The following AUTS2 variants were observed in gnomAD, a reference collection of about 807,000 sequenced individuals.
AUTS2 encodes the protein autism susceptibility gene 2 protein.
AUTS2 carries 17 observed loss-of-function variants against 112.4 expected under a neutral mutation model. The ratio of observed to expected loss-of-function variants is 0.15; its 90% CI spans 0.10 to 0.23. The LOEUF (loss-of-function observed/expected upper bound fraction) is 0.23, where lower values mean the gene tolerates loss of function less well. Among genes scored for constraint, AUTS2 ranks in the 10% least tolerant of loss-of-function variants. The pLI is 1.00. For missense variants in AUTS2, 1,510 were observed against 1,701.6 expected (o/e 0.89, Z 1.98); for synonymous variants, 751 against 702.7 (o/e 1.07, Z -1.09).
intron 4 of AUTS2, among the ~76,000 whole-genome samples, chr7:70,424,846 C>G (rs1198037587): frequency 6.6e-6 from 1 of 152,182 alleles, no homozygotes; most frequent in Non-Finnish European, 1.5e-5. Flanking sequence ...CTCAGTCTTC[C>G]AAAGTTCTGG....
In AUTS2 at chr7:69,683,922, A is replaced by G. The variant is rs369237894; in HGVS notation, c.309+83960A>G. On this transcript the variant is annotated intron_variant, in intron 1 of 18. Coordinates refer to ENST00000342771, the MANE Select transcript of AUTS2 (RefSeq NM_015570.4). ...TTAATGAGACTCCGTGTCAAAAAACAAAAAACAAAACAAATGTTCTCAAGT... is the reference window on the plus strand; with the variant it reads ...TTAATGAGACTCCGTGTCAAAAAACGAAAAACAAAACAAATGTTCTCAAGT... Among the ~76,000 whole-genome samples, 289 of 152,270 alleles carry G rather than the reference A, an allele frequency of 1.9e-3. 1 individual carries two copies. The highest frequency in any genetic ancestry group is 6.6e-3 in the African/African-American group (276 of 41,548).
intron 1 of AUTS2, among the ~76,000 whole-genome samples, chr7:69,613,850 C>G (rs1793173818): frequency 6.6e-6 from 1 of 152,100 alleles, no homozygotes; most frequent in South Asian, 2.1e-4. Context: ...CTAAATAGCT[C>G]TTTTTGCTTT....
chr7:69,668,363 T>C (rs893376061), intron 1 of AUTS2, among the ~76,000 whole-genome samples: 4 of 152,216 alleles, frequency 2.6e-5, no homozygotes, highest in South Asian at 2.1e-4. Context: ...AAATATTTTC[T>C]GAGAATGCCA....
chr7:69,914,368 C>CAG (rs201953863), intron 2 of AUTS2, among the ~76,000 whole-genome samples: 54 of 150,344 alleles, frequency 3.6e-4, no homozygotes, highest in African/African-American at 1.0e-3. Context: ...CACACACACA[C>CAG]ACACACACAC....
chr7:70,306,719 C>G (rs1462878027), intron 4 of AUTS2, among the ~76,000 whole-genome samples: 1 of 152,152 alleles, frequency 6.6e-6, no homozygotes, highest in Non-Finnish European at 1.5e-5. Context: ...TTTTGTTCAT[C>G]AATATAAACT....
intron 1 of AUTS2, among the ~76,000 whole-genome samples, chr7:69,866,730 T>C (rs1018563926): frequency 6.6e-6 from 1 of 152,174 alleles, no homozygotes; most frequent in Non-Finnish European, 1.5e-5. Flanking sequence ...GTTAGAAAGG[T>C]AAGAGCCTAG....
At chr7:70,681,522 TATA>T (rs545116816) in intron 5 of AUTS2, among the ~76,000 whole-genome samples, 8,277 of 139,986 alleles carry the variant, frequency 0.059, 331 homozygotes, top group East Asian at 0.25. Flanking sequence ...TATATATATA[TATA>T]TTTTTTTTTT....
chr7:69,890,608 G>C (rs1451818048), intron 1 of AUTS2, among the ~76,000 whole-genome samples: 1 of 151,366 alleles, frequency 6.6e-6, no homozygotes, highest in Non-Finnish European at 1.5e-5. Flanking sequence ...TAGCCAAACA[G>C]TAATCAGGCT....
intron 5 of AUTS2, among the ~76,000 whole-genome samples, chr7:70,637,244 T>C (rs1441100336): frequency 6.6e-6 from 1 of 152,190 alleles, no homozygotes; most frequent in Non-Finnish European, 1.5e-5. Context: ...TGTGACACTT[T>C]CAAAAATACT....
At chr7:70,520,071 C>A (rs901790248) in intron 5 of AUTS2, among the ~76,000 whole-genome samples, 4 of 152,006 alleles carry the variant, frequency 2.6e-5, no homozygotes, top group African/African-American at 9.7e-5. Flanking sequence ...TTTTCATTTT[C>A]TTAATGGTGC....
intron 2 of AUTS2, among the ~76,000 whole-genome samples, chr7:70,033,022 G>C (rs1009542612): frequency 2.6e-5 from 4 of 152,142 alleles, no homozygotes; most frequent in South Asian, 4.1e-4. Context: ...ATTAGTAGTT[G>C]TCTAGGGGTG....
intron 1 of AUTS2, among the ~76,000 whole-genome samples, chr7:69,689,412 G>A (rs1265926621): frequency 3.7e-5 from 5 of 136,834 alleles, no homozygotes; most frequent in Admixed American, 7.6e-5. Flanking sequence ...GTGCAGTGGC[G>A]CGATCTTGGC....
intron 10 of AUTS2, among the ~76,000 whole-genome samples, chr7:70,768,495 C>T (rs1196386658): frequency 6.6e-6 from 1 of 152,190 alleles, no homozygotes. Flanking sequence ...CATGACTCTT[C>T]AACAAGTAGA....
intron 4 of AUTS2, among the ~76,000 whole-genome samples, chr7:70,408,747 A>T (rs1373238750): frequency 6.6e-6 from 1 of 152,204 alleles, no homozygotes; most frequent in Admixed American, 6.5e-5. Context: ...AGTAGTTAGG[A>T]GCTGTGTACT....
intron 2 of AUTS2, among the ~76,000 whole-genome samples, chr7:70,082,335 C>A (rs1672931354): frequency 1.3e-5 from 2 of 152,122 alleles, no homozygotes; most frequent in African/African-American, 4.8e-5. Context: ...TCGAAATCAT[C>A]CTAAGTTTGG....
rs575549395 is a variant in AUTS2, at chr7:69,903,373, TA to T, written c.522+3881del. ...TGACTTCTAGACCATGGAGAATTCT[TA>T]AAAAATTTAGGACTTTGTAGTTTAA... On this transcript the variant is annotated intron_variant, in intron 2 of 18. Transcript: ENST00000342771. Among the ~76,000 whole-genome samples, 324 of 152,316 alleles carry T rather than the reference TA, an allele frequency of 2.1e-3. 1 individual carries two copies. The highest frequency in any genetic ancestry group is 7.4e-3 in the African/African-American group (306 of 41,564).
chr7:69,693,193 A>G (rs1431179214), intron 1 of AUTS2, among the ~76,000 whole-genome samples: 1 of 152,180 alleles, frequency 6.6e-6, no homozygotes, highest in African/African-American at 2.4e-5. Flanking sequence ...TGAGGATTCT[A>G]TTTATTTCAT....
At chr7:69,723,353 G>T (rs1352647109) in intron 1 of AUTS2, among the ~76,000 whole-genome samples, 1 of 152,118 alleles carries the variant, frequency 6.6e-6, no homozygotes, top group Non-Finnish European at 1.5e-5. Context: ...TATAAGGATT[G>T]CTTTGAAATA....
intron 1 of AUTS2, among the ~76,000 whole-genome samples, chr7:69,844,733 A>G (rs938534180): frequency 6.6e-6 from 1 of 152,118 alleles, no homozygotes; most frequent in African/African-American, 2.4e-5. Flanking sequence ...TTCTTAGAGC[A>G]CGGTAGAATG....
Sources: allele counts gnomAD v4.1 joint callset (sites outside exome capture counted in the v4.1 genomes callset), GRCh38; gene constraint gnomAD v4.1.1; transcripts MANE v1.5; gene names NCBI Gene and HGNC (gene_info 2026-07-23, HGNC 2026-07-21).